RIMS2: variants seen among roughly 807,000 people sequenced by gnomAD.
RIMS2 encodes the protein regulating synaptic membrane exocytosis 2, also known as regulating synaptic membrane exocytosis protein 2.
Under a neutral mutation model 174.4 loss-of-function variants are expected in RIMS2, and 59 were observed. That is an observed-to-expected ratio of 0.34 (90% CI 0.27 to 0.42). RIMS2 has a LOEUF of 0.42. RIMS2 is among the 10% of genes least tolerant of loss of function. The probability of loss-of-function intolerance (pLI) is 1.00; values close to 1 mark genes in which losing one functional copy is unlikely to be tolerated. For missense variants in RIMS2, 1,620 were observed against 1,666.3 expected (o/e 0.97, Z 0.48); for synonymous variants, 606 against 572.5 (o/e 1.06, Z -0.84).
chr8:104,176,757 A>G (rs2098900531), intron 19 of RIMS2, among the ~76,000 whole-genome samples: 1 of 151,782 alleles, frequency 6.6e-6, no homozygotes, highest in East Asian at 1.9e-4. Context: ...ATGAAACATA[A>G]ATAATTGAAT....
At chr8:103,511,103 T>G (rs1826239964) in intron 1 of RIMS2, among the ~76,000 whole-genome samples, 1 of 152,214 alleles carries the variant, frequency 6.6e-6, no homozygotes, top group South Asian at 2.1e-4. Flanking sequence ...CCAATCTGCA[T>G]TCCACTTTTT....
At chr8:104,038,630 G>C (rs1441817445) in intron 19 of RIMS2, among the ~76,000 whole-genome samples, 1 of 151,870 alleles carries the variant, frequency 6.6e-6, no homozygotes, top group Non-Finnish European at 1.5e-5. Flanking sequence ...TTTCACTGAA[G>C]TCTGCTATTC....
intron 19 of RIMS2, among the ~76,000 whole-genome samples, chr8:104,110,090 T>G (rs2098151500): frequency 6.6e-6 from 1 of 152,182 alleles, no homozygotes; most frequent in Non-Finnish European, 1.5e-5. Flanking sequence ...TAGATTGATT[T>G]GAAAATAATA....
chr8:103,901,171 A>G (rs1168213210), intron 4 of RIMS2, among the ~76,000 whole-genome samples: 1 of 152,066 alleles, frequency 6.6e-6, no homozygotes, highest in Non-Finnish European at 1.5e-5. Context: ...AACATCTCTT[A>G]CTGTCAGCCC....
intron 20 of RIMS2, among the ~76,000 whole-genome samples, chr8:104,247,591 G>A (rs888912320): frequency 1.3e-5 from 2 of 152,218 alleles, no homozygotes; most frequent in African/African-American, 4.8e-5. Flanking sequence ...AAGGAAGAAA[G>A]ATGGCTCCAA....
chr8:103,640,568 TTTCA>T (rs1397051844), intron 1 of RIMS2, among the ~76,000 whole-genome samples: 8 of 152,150 alleles, frequency 5.3e-5, no homozygotes, highest in African/African-American at 1.7e-4. Flanking sequence ...GTATTTTCAC[TTTCA>T]TTTAGTTAAG....
At position 103,756,282 on chromosome 8, in the gene RIMS2, A is replaced by G. The variant is rs184360522; in HGVS notation, c.388-9945A>G. 4.0e-5 allele frequency among the ~76,000 whole-genome samples: 6 copies of G among 151,198 alleles called. No homozygotes were observed. In the East Asian group the frequency reaches 1.2e-3, roughly 30 times the overall value. ...AGGCTCAGTTGGAAATGTAGAAATC[A>G]CCCATCTTCTGCCTTGATCCCACTG... On this transcript the variant is annotated intron_variant, in intron 2 of 23. Transcript: ENST00000504942.
chr8:103,920,189 A>G (rs1226103180), intron 9 of RIMS2, among the ~76,000 whole-genome samples: 1 of 152,044 alleles, frequency 6.6e-6, no homozygotes, highest in Admixed American at 6.5e-5. Context: ...GTTTTTTTCC[A>G]AGCCCCTGTC....
chr8:103,723,045 G>A (rs2097475109), intron 2 of RIMS2, among the ~76,000 whole-genome samples: 1 of 152,188 alleles, frequency 6.6e-6, no homozygotes, highest in Non-Finnish European at 1.5e-5. Flanking sequence ...CCAGGAGGTG[G>A]AGGTTGCAGT....
At chr8:104,067,895 T>A (rs1279695645) in intron 19 of RIMS2, among the ~76,000 whole-genome samples, 1 of 152,204 alleles carries the variant, frequency 6.6e-6, no homozygotes, top group Non-Finnish European at 1.5e-5. Flanking sequence ...TAATTTTTTT[T>A]ATAAAATTGA....
At chr8:103,964,362 T>C (rs2091172757) in intron 15 of RIMS2, among the ~76,000 whole-genome samples, 1 of 152,184 alleles carries the variant, frequency 6.6e-6, no homozygotes, top group Non-Finnish European at 1.5e-5. Context: ...ACCATTCCAA[T>C]AGGTGTATAG....
At chr8:103,635,916 G>C (rs187935222) in intron 1 of RIMS2, among the ~76,000 whole-genome samples, 7 of 152,200 alleles carry the variant, frequency 4.6e-5, no homozygotes, top group African/African-American at 1.2e-4. Flanking sequence ...GCTTGGGCAG[G>C]GGGTAGTTGG....
chr8:103,759,812 G>C (rs983581418), intron 2 of RIMS2, among the ~76,000 whole-genome samples: 1 of 152,124 alleles, frequency 6.6e-6, no homozygotes, highest in Non-Finnish European at 1.5e-5. Flanking sequence ...GGGAACCGAA[G>C]TGAGATCAGG....
At chr8:103,571,427 T>G (rs2092797786) in intron 1 of RIMS2, among the ~76,000 whole-genome samples, 1 of 152,212 alleles carries the variant, frequency 6.6e-6, no homozygotes, top group African/African-American at 2.4e-5. Flanking sequence ...AGATGGAATA[T>G]TAACTTATCA....
At chr8:103,903,492 A>G (rs2073690450) in intron 4 of RIMS2, among the ~76,000 whole-genome samples, 1 of 152,158 alleles carries the variant, frequency 6.6e-6, no homozygotes, top group South Asian at 2.1e-4. Context: ...AATGTTGTAA[A>G]TAGAATATAT....
intron 19 of RIMS2, among the ~76,000 whole-genome samples, chr8:104,066,986 G>T (rs1172279714): frequency 6.6e-6 from 1 of 151,876 alleles, no homozygotes; most frequent in African/African-American, 2.4e-5. Flanking sequence ...GATTTTTGCA[G>T]GGCAGAGAAT....
chr8:104,118,371 T>TTTTTTTG (rs368286929), intron 19 of RIMS2, among the ~76,000 whole-genome samples: 32,847 of 97,540 alleles, frequency 0.34, 3,644 homozygotes, highest in South Asian at 0.46. Context: ...TGTTTTTTTG[T>TTTTTTTG]TTTTTTTTTT....
intron 12 of RIMS2, among the ~76,000 whole-genome samples, chr8:103,931,953 AT>A (rs1179508890): frequency 6.6e-6 from 1 of 152,116 alleles, no homozygotes; most frequent in Non-Finnish European, 1.5e-5. Context: ...TCTAATCAAT[AT>A]AAATGGTATT....
At chr8:103,532,219 C>T (rs1837513108) in intron 1 of RIMS2, among the ~76,000 whole-genome samples, 1 of 152,096 alleles carries the variant, frequency 6.6e-6, no homozygotes, top group Non-Finnish European at 1.5e-5. Context: ...CTTATTACAC[C>T]ATAGAATTGT....
Sources: allele counts gnomAD v4.1 joint callset (sites outside exome capture counted in the v4.1 genomes callset), GRCh38; gene constraint gnomAD v4.1.1; transcripts MANE v1.5; gene names NCBI Gene and HGNC (gene_info 2026-07-23, HGNC 2026-07-21).